Variants in ST6GALNAC3 observed in about 807,000 individuals in gnomAD.
ST6GALNAC3 encodes ST6 N-acetylgalactosaminide alpha-2,6-sialyltransferase 3.
ST6GALNAC3 carries 25 observed loss-of-function variants against 32.7 expected under a neutral mutation model. The observed-to-expected ratio is 0.76, with a 90% CI of 0.56 to 1.07. ST6GALNAC3 has a LOEUF of 1.07. ST6GALNAC3 is among the 50% of genes least tolerant of loss of function. The pLI, the probability that ST6GALNAC3 is intolerant of heterozygous loss-of-function variation, is 0.00. For synonymous variants in ST6GALNAC3, 129 were observed against 133.1 expected, an observed-to-expected ratio of 0.97 and a Z score of 0.21; for missense variants, 355 against 382.4, an observed-to-expected ratio of 0.93 and a Z score of 0.60.
intron 1 of ST6GALNAC3, among the ~76,000 whole-genome samples, chr1:76,153,790 T>C (rs577356306): frequency 6.6e-6 from 1 of 152,314 alleles, no homozygotes; most frequent in East Asian, 1.9e-4. Context: ...TCATATTCTG[T>C]TTCAGGCCAA....
In ST6GALNAC3 at chr1:76,630,552, C is replaced by T; in HGVS notation, c.*1746C>T. The T allele has an allele frequency of 1.3e-5, 13 of 985,356 alleles. No individual in the cohort carries two copies. The highest frequency in any genetic ancestry group is 1.6e-5 in the Non-Finnish European group (13 of 829,854). 61.0% of individuals were successfully genotyped at this position (985,356 alleles called of 1,614,324 possible). ...TTCAAAAGACAAAAGCCAGGCTCAA[C>T]TTATAGAATGTTTTGGAAACTGGAA... On this transcript the variant is annotated 3_prime_UTR_variant, in exon 5 of 5. Coordinates refer to ENST00000328299, the MANE Select transcript of ST6GALNAC3 (RefSeq NM_152996.4).
At chr1:76,351,953 G>A (rs961467399) in intron 2 of ST6GALNAC3, among the ~76,000 whole-genome samples, 4 of 152,052 alleles carry the variant, frequency 2.6e-5, no homozygotes, top group African/African-American at 9.7e-5. Context: ...AAGGTCAAAA[G>A]GCTTTTGATA....
intron 1 of ST6GALNAC3, among the ~76,000 whole-genome samples, chr1:76,156,112 CTAA>C (rs59810839): frequency 0.61 from 91,807 of 151,668 alleles, 31,313 homozygotes; most frequent in East Asian, 0.92. Context: ...CTAAGGTTTT[CTAA>C]TAATTAGACT....
At chr1:76,277,179 T>C (rs2100772204) in intron 1 of ST6GALNAC3, among the ~76,000 whole-genome samples, 1 of 152,262 alleles carries the variant, frequency 6.6e-6, no homozygotes, top group African/African-American at 2.4e-5. Flanking sequence ...AACTATTCCT[T>C]ATGGTTGATA....
In ST6GALNAC3 at chr1:76,343,406, C is replaced by G. The variant is rs186244737; in HGVS notation, c.213+29407C>G. Among the ~76,000 whole-genome samples the G allele has an allele frequency of 3.0e-4, 45 of 152,228 alleles. No homozygotes were observed. The East Asian group carries it at 8.7e-3, about 29-fold the overall frequency. On this transcript the variant is annotated intron_variant, in intron 2 of 4. Coordinates refer to ENST00000328299, the MANE Select transcript of ST6GALNAC3 (RefSeq NM_152996.4). Reference sequence around the variant, plus strand: ...AATATAAGAGGAAAAGAAAGGAAGGCTTGGCAAGATAGGTAGCTCCCTATC... The same window carrying G: ...AATATAAGAGGAAAAGAAAGGAAGGGTTGGCAAGATAGGTAGCTCCCTATC...
At chr1:76,623,842 A>C (rs1006899084) in intron 3 of ST6GALNAC3, among the ~76,000 whole-genome samples, 2 of 151,942 alleles carry the variant, frequency 1.3e-5, no homozygotes, top group African/African-American at 4.8e-5. Flanking sequence ...GTACGGCTAC[A>C]AGACATTCTG....
chr1:76,610,214 A>G (rs1041102405), intron 3 of ST6GALNAC3, among the ~76,000 whole-genome samples: 3 of 152,228 alleles, frequency 2.0e-5, no homozygotes, highest in Non-Finnish European at 2.9e-5. Flanking sequence ...AATGAACCCA[A>G]ACACAGTGCT....
At chr1:76,289,626 C>T (rs945404049) in intron 1 of ST6GALNAC3, among the ~76,000 whole-genome samples, 1 of 152,094 alleles carries the variant, frequency 6.6e-6, no homozygotes, top group South Asian at 2.1e-4. Context: ...AAAAAGTGGT[C>T]CAGAAACCCC....
chr1:76,365,737 T>C (rs1019844718), intron 2 of ST6GALNAC3, among the ~76,000 whole-genome samples: 7 of 152,210 alleles, frequency 4.6e-5, no homozygotes, highest in Non-Finnish European at 1.5e-5. Flanking sequence ...ATGACAAGCA[T>C]GGCCTTTCAA....
rs577589092 is a variant in ST6GALNAC3, at chr1:76,241,334, A to G, written c.19-72471A>G. On this transcript the variant is annotated intron_variant, in intron 1 of 4. Transcript: ENST00000328299. The stretch of plus-strand genomic sequence containing the variant: ...AGGTTGGGCATCTGATGAGGCCCAC[A>G]AACTGCTTCCACTCATGGTGGAAAG... 4.6e-5 allele frequency among the ~76,000 whole-genome samples: 7 copies of G among 152,332 alleles called. No individual in the cohort carries two copies. The South Asian group carries it at 1.4e-3, about 32-fold the overall frequency.
At chr1:76,441,468 AT>A (rs933587265) in intron 3 of ST6GALNAC3, among the ~76,000 whole-genome samples, 5 of 151,636 alleles carry the variant, frequency 3.3e-5, no homozygotes, top group African/African-American at 1.2e-4. Flanking sequence ...CCCAGATCTG[AT>A]TTTTTTTCAT....
At chr1:76,508,805 A>G (rs1157219719) in intron 3 of ST6GALNAC3, among the ~76,000 whole-genome samples, 2 of 152,158 alleles carry the variant, frequency 1.3e-5, no homozygotes, top group Non-Finnish European at 2.9e-5. Flanking sequence ...TCACTTTTAC[A>G]TTATGGAAAA....
At chr1:76,430,371 A>T (rs976920528) in intron 3 of ST6GALNAC3, among the ~76,000 whole-genome samples, 18 of 152,278 alleles carry the variant, frequency 1.2e-4, no homozygotes, top group African/African-American at 4.3e-4. Flanking sequence ...TGTCCCTCAA[A>T]GAATTTTGTC....
intron 1 of ST6GALNAC3, among the ~76,000 whole-genome samples, chr1:76,101,157 ATCCATCCC>A (rs990857480): frequency 2.6e-5 from 4 of 152,088 alleles, no homozygotes; most frequent in Non-Finnish European, 5.9e-5. Context: ...GTGCCTGCCT[ATCCATCCC>A]TCCCTTCTAC....
At chr1:76,205,428 C>T (rs889340751) in intron 1 of ST6GALNAC3, among the ~76,000 whole-genome samples, 1 of 152,016 alleles carries the variant, frequency 6.6e-6, no homozygotes, top group African/African-American at 2.4e-5. Flanking sequence ...ACAGGTCAGC[C>T]CTGATTCATC....
At chr1:76,370,285 G>A (rs971048247) in intron 2 of ST6GALNAC3, among the ~76,000 whole-genome samples, 9 of 151,904 alleles carry the variant, frequency 5.9e-5, no homozygotes, top group Admixed American at 3.3e-4. Flanking sequence ...GACAACTATG[G>A]GTCTGAAGAT....
At chr1:76,428,965 A>G (rs1655574300) in intron 3 of ST6GALNAC3, among the ~76,000 whole-genome samples, 1 of 152,124 alleles carries the variant, frequency 6.6e-6, no homozygotes, top group Non-Finnish European at 1.5e-5. Flanking sequence ...CCTTAACTTT[A>G]TAATGCCTTT....
intron 3 of ST6GALNAC3, among the ~76,000 whole-genome samples, chr1:76,433,375 A>G (rs910710598): frequency 6.6e-6 from 1 of 152,014 alleles, no homozygotes; most frequent in Non-Finnish European, 1.5e-5. Context: ...TGAGTGTGCA[A>G]TATGCTCTAA....
chr1:76,548,439 T>TTCATC (rs1222242271), intron 3 of ST6GALNAC3, among the ~76,000 whole-genome samples: 1 of 152,160 alleles, frequency 6.6e-6, no homozygotes, highest in Non-Finnish European at 1.5e-5. Flanking sequence ...AGCTCTCTGC[T>TTCATC]TCATCTCATA....
Sources: allele counts gnomAD v4.1 joint callset (sites outside exome capture counted in the v4.1 genomes callset), GRCh38; gene constraint gnomAD v4.1.1; transcripts MANE v1.5; gene names NCBI Gene and HGNC (gene_info 2026-07-23, HGNC 2026-07-21).